GALNT13: variants seen among roughly 807,000 people sequenced by gnomAD.
GALNT13 encodes the protein UDP-GalNAc:polypeptide N-acetylgalactosaminyltransferase 13.
GALNT13 carries 28 observed loss-of-function variants against 64.2 expected under a neutral mutation model. The observed-to-expected ratio is 0.44, with a 90% confidence interval of 0.32 to 0.60. The LOEUF (loss-of-function observed/expected upper bound fraction) is 0.60. Ranked by LOEUF, GALNT13 falls within the 20% of genes least tolerant of loss-of-function variation. The pLI, the probability that GALNT13 is intolerant of heterozygous loss-of-function variation, is 0.05. For missense variants in GALNT13, 577 were observed against 669.8 expected (o/e 0.86, Z 1.53); for synonymous variants, 214 against 224.6 (o/e 0.95, Z 0.42).
chr2:153,630,808 T>TATATTTATTTATTTA, the GALNT13 span, among the ~76,000 whole-genome samples: 2 of 16,984 alleles, frequency 1.2e-4, no homozygotes, highest in African/African-American at 2.4e-4. Context: ...TATATATATA[T>TATATTTATTTATTTA]TTTTTTTTTT....
intron 3 of GALNT13, among the ~76,000 whole-genome samples, chr2:154,057,607 A>G (rs1001590140): frequency 2.0e-5 from 3 of 152,216 alleles, no homozygotes; most frequent in African/African-American, 7.2e-5. Context: ...AGCGGAACAA[A>G]GAGAAGTAGG....
chr2:154,353,594 G>C (rs746530870), intron 9 of GALNT13, among the ~76,000 whole-genome samples: 3 of 152,116 alleles, frequency 2.0e-5, no homozygotes, highest in African/African-American at 7.2e-5. Context: ...CCTGGGCCCT[G>C]TTAGCCCTAG....
chr2:154,236,301 G>A lies in GALNT13; in HGVS notation c.312-5729G>A, dbSNP rs565073114. ...ATGTTTCAAAGAGTCTATCTTTATGGTAAAGTACTTGAGTAACCATTCTCA... is the reference window on the plus strand; with the variant it reads ...ATGTTTCAAAGAGTCTATCTTTATGATAAAGTACTTGAGTAACCATTCTCA... On this transcript the variant is annotated intron_variant, in intron 4 of 12. Coordinates refer to ENST00000392825, the MANE Select transcript of GALNT13 (RefSeq NM_052917.4). The A allele has an allele frequency of 2.0e-3, 720 of 358,178 alleles. 1 individual carries two copies. Among genetic ancestry groups the A allele is most frequent in the Non-Finnish European group, 2.6e-3 (648 of 247,224 alleles). The allele number at this position is 358,178 out of a possible 1,614,324, so 22.2% of individuals were successfully genotyped here. A position where few individuals can be genotyped will look rare whatever the true frequency, so the allele number is the denominator to read the frequency against.
At chr2:153,733,657 TTCCTCTCCGTGTAAGGCA>T in the GALNT13 span, among the ~76,000 whole-genome samples, 1 of 152,304 alleles carries the variant, frequency 6.6e-6, no homozygotes, top group African/African-American at 2.4e-5. Context: ...TTAAAGTGGC[TTCCTCTCCGTGTAAGGCA>T]TTTAAAGCTG....
intron 1 of GALNT13, among the ~76,000 whole-genome samples, chr2:153,896,408 T>C (rs1043203830): frequency 6.6e-6 from 1 of 151,326 alleles, no homozygotes; most frequent in Non-Finnish European, 1.5e-5. Flanking sequence ...AAATATATCT[T>C]TCATTTAATC....
At chr2:153,502,938 T>G in the GALNT13 span, among the ~76,000 whole-genome samples, 2 of 152,220 alleles carry the variant, frequency 1.3e-5, no homozygotes, top group Non-Finnish European at 2.9e-5. Context: ...TTTTTTAAAT[T>G]TCTTGCTGAT....
intron 11 of GALNT13, among the ~76,000 whole-genome samples, chr2:154,430,780 C>T (rs940948357): frequency 6.6e-6 from 1 of 152,070 alleles, no homozygotes; most frequent in Non-Finnish European, 1.5e-5. Context: ...TTACTACATC[C>T]ACCTAACTTT....
At chr2:153,486,580 G>A in the GALNT13 span, among the ~76,000 whole-genome samples, 2 of 152,130 alleles carry the variant, frequency 1.3e-5, no homozygotes, top group Admixed American at 1.3e-4. Context: ...ATAACGTTGT[G>A]AGTAGTAGCC....
At chr2:153,934,881 A>G (rs1234272671) in intron 2 of GALNT13, among the ~76,000 whole-genome samples, 1 of 152,170 alleles carries the variant, frequency 6.6e-6, no homozygotes, top group Non-Finnish European at 1.5e-5. Flanking sequence ...AGCAAGAAGT[A>G]TTAGGAGTTT....
At chr2:153,825,652 G>T in the GALNT13 span, among the ~76,000 whole-genome samples, 1 of 145,458 alleles carries the variant, frequency 6.9e-6, no homozygotes, top group African/African-American at 2.5e-5. Context: ...GTGTGTGTGT[G>T]TATCCACTGA....
At chr2:153,519,518 T>A in the GALNT13 span, among the ~76,000 whole-genome samples, 15 of 152,174 alleles carry the variant, frequency 9.9e-5, no homozygotes, top group Non-Finnish European at 1.3e-4. Flanking sequence ...TTAACTGTTT[T>A]ATGATTTTGT....
At chr2:154,259,444 A>T (rs1573970218) in intron 8 of GALNT13, among the ~76,000 whole-genome samples, 2 of 152,322 alleles carry the variant, frequency 1.3e-5, no homozygotes, top group South Asian at 4.1e-4. Flanking sequence ...TTGCTCTATA[A>T]AATCACTTTG....
At chr2:153,712,885 G>A in the GALNT13 span, among the ~76,000 whole-genome samples, 81 of 152,168 alleles carry the variant, frequency 5.3e-4, no homozygotes, top group African/African-American at 1.8e-3. Context: ...AACATGTATC[G>A]GTCCACCATT....
the GALNT13 span, among the ~76,000 whole-genome samples, chr2:153,858,177 G>A: frequency 6.6e-6 from 1 of 152,144 alleles, no homozygotes; most frequent in Non-Finnish European, 1.5e-5. Context: ...TGAATGAAGA[G>A]CAACTATATG....
chr2:153,094,212 C>T, the GALNT13 span, among the ~76,000 whole-genome samples: 1 of 151,208 alleles, frequency 6.6e-6, no homozygotes, highest in African/African-American at 2.4e-5. Context: ...TTTTTCATTC[C>T]TTAAGATGCA....
chr2:153,166,315 A>G, the GALNT13 span, among the ~76,000 whole-genome samples: 2 of 152,226 alleles, frequency 1.3e-5, no homozygotes, highest in African/African-American at 4.8e-5. Flanking sequence ...AGAAGGTTCT[A>G]TCATCCTGGC....
At chr2:153,264,921 C>T in the GALNT13 span, among the ~76,000 whole-genome samples, 1 of 152,222 alleles carries the variant, frequency 6.6e-6, no homozygotes, top group Non-Finnish European at 1.5e-5. Flanking sequence ...CCTGCACATT[C>T]TGCACATATA....
chr2:154,289,865 CACCAAGGAG>C (rs1692499135), intron 8 of GALNT13, among the ~76,000 whole-genome samples: 2 of 152,202 alleles, frequency 1.3e-5, no homozygotes, highest in South Asian at 4.1e-4. Context: ...TTCTGTCCTT[CACCAAGGAG>C]ACAGCCTGAA....
the GALNT13 span, among the ~76,000 whole-genome samples, chr2:153,173,864 A>G: frequency 3.3e-3 from 496 of 152,332 alleles, 1 homozygote; most frequent in African/African-American, 0.011. Flanking sequence ...ACTTTTTTTC[A>G]TCATTGAAAT....
Sources: allele counts gnomAD v4.1 joint callset (sites outside exome capture counted in the v4.1 genomes callset), GRCh38; gene constraint gnomAD v4.1.1; transcripts MANE v1.5; gene names NCBI Gene and HGNC (gene_info 2026-07-23, HGNC 2026-07-21).